The following RASAL2 variants were observed in gnomAD, a reference collection of about 807,000 sequenced individuals.
The protein encoded by RASAL2 is RAS protein activator like 2.
A neutral mutation model predicts 128.9 loss-of-function variants in RASAL2; 58 were observed. That is an observed-to-expected ratio of 0.45 (90% CI 0.36 to 0.56). The LOEUF (loss-of-function observed/expected upper bound fraction) is 0.56. Ranked by LOEUF, RASAL2 falls within the 20% of genes least tolerant of loss-of-function variation. RASAL2 has a pLI of 0.00. For missense variants in RASAL2, 1,360 were observed against 1,601.6 expected, an observed-to-expected ratio of 0.85 and a Z score of 2.57; for synonymous variants, 561 against 580.8, an observed-to-expected ratio of 0.97 and a Z score of 0.49.
intron 1 of RASAL2, among the ~76,000 whole-genome samples, chr1:178,107,113 T>C (rs1238022193): frequency 6.6e-6 from 1 of 152,198 alleles, no homozygotes; most frequent in Non-Finnish European, 1.5e-5. Context: ...ATAAGTCATT[T>C]CTCCATTTTA....
At chr1:178,306,367 T>G (rs935436107) in intron 3 of RASAL2, among the ~76,000 whole-genome samples, 2 of 152,190 alleles carry the variant, frequency 1.3e-5, no homozygotes, top group African/African-American at 4.8e-5. Context: ...TATGTATGCA[T>G]GTGTCTTTAT....
rs1045351258 is a variant in RASAL2 at position 178,478,125 on chromosome 1, C to A, written c.*4886C>A. 6.6e-6 allele frequency: 1 copy of A among 151,974 alleles called. No homozygotes were observed. The highest frequency in any genetic ancestry group is 2.4e-5 in the African/African-American group (1 of 41,372). 9.4% of individuals were successfully genotyped at this position (151,974 alleles called of 1,614,324 possible). ...TCAGTTGCTATCTTCCACTTAAATA[C>A]CCTCATTTGACCCTAGGAAGTTTTT... On this transcript the variant is annotated 3_prime_UTR_variant, in exon 18 of 18. Transcript: ENST00000367649.
Position 178,458,272 on chromosome 1 carries a change from A to G in RASAL2, c.2980A>G (p.Arg994Gly). The G allele has an allele frequency of 6.2e-7, 1 of 1,614,266 alleles. No individual in the cohort carries two copies. The highest frequency in any genetic ancestry group is 8.5e-7 in the Non-Finnish European group (1 of 1,180,054). Residue 994 changes from arginine to glycine, a missense_variant, in exon 14 of 18, where the codon AGA (arginine) becomes GGA (glycine). Physicochemically the swap from Arg to Gly is moderately radical, Grantham distance 125 (BLOSUM62 -2). This residue lies in a region of RASAL2 where 741 missense variants were observed against 868.6 expected (regional missense o/e 0.85). Transcript: ENST00000367649. Reference sequence around the variant, plus strand: ...CTCCAGGCGGCACACGGTGCCAGATAGACACATACCTCTTGCTTTGCCACG... The same window carrying G: ...CTCCAGGCGGCACACGGTGCCAGATGGACACATACCTCTTGCTTTGCCACG... ...DFSRRHTVPD[R>G]HIPLALPRQN...
intron 3 of RASAL2, among the ~76,000 whole-genome samples, chr1:178,356,882 A>G (rs1157014902): frequency 6.6e-6 from 1 of 152,204 alleles, no homozygotes; most frequent in Admixed American, 6.5e-5. Flanking sequence ...AAAGGCATAT[A>G]TTGAAGACAT....
intron 4 of RASAL2, among the ~76,000 whole-genome samples, chr1:178,399,011 C>A (rs1317417240): frequency 1.3e-5 from 2 of 152,226 alleles, no homozygotes; most frequent in Non-Finnish European, 2.9e-5. Flanking sequence ...TTGTTGCCAT[C>A]TCAAAGTTCT....
intron 4 of RASAL2, among the ~76,000 whole-genome samples, chr1:178,411,288 A>G (rs1398741602): frequency 1.3e-5 from 2 of 152,138 alleles, no homozygotes; most frequent in Non-Finnish European, 2.9e-5. Context: ...TCTTAGTAAA[A>G]TAACTCAGGA....
At chr1:178,131,429 G>A (rs1202196082) in intron 1 of RASAL2, among the ~76,000 whole-genome samples, 1 of 123,376 alleles carries the variant, frequency 8.1e-6, no homozygotes, top group East Asian at 2.4e-4. Context: ...ATTTGTTGCC[G>A]AGGCTGGTCT....
intron 1 of RASAL2, among the ~76,000 whole-genome samples, chr1:178,103,136 C>G (rs370067485): frequency 2.2e-4 from 34 of 152,086 alleles, no homozygotes; most frequent in African/African-American, 7.7e-4. Context: ...GTATGATAAC[C>G]CATTAGAACT....
chr1:178,205,541 C>T (rs369764686), intron 1 of RASAL2, among the ~76,000 whole-genome samples: 8 of 151,862 alleles, frequency 5.3e-5, no homozygotes, highest in African/African-American at 1.2e-4. Flanking sequence ...CTGATCACGA[C>T]GTCAGGAGAT....
At chr1:178,211,952 A>G (rs934107148) in intron 1 of RASAL2, among the ~76,000 whole-genome samples, 2 of 152,248 alleles carry the variant, frequency 1.3e-5, no homozygotes, top group African/African-American at 4.8e-5. Context: ...TGATAATACA[A>G]TAAATGCTTT....
In RASAL2 at chr1:178,217,919, C is replaced by T. The variant is rs142769674; in HGVS notation, c.203-65645C>T. Among the ~76,000 whole-genome samples, 554 of 151,988 alleles carry T rather than the reference C, an allele frequency of 3.6e-3. 3 individuals are homozygous for T. The highest frequency in any genetic ancestry group is 6.8e-3 in the Middle Eastern group (2 of 294). On this transcript the variant is annotated intron_variant, in intron 1 of 17. Coordinates refer to ENST00000367649, the MANE Select transcript of RASAL2 (RefSeq NM_170692.4). ...AGCATTGTACCCACAGAATTTCTTT[C>T]CAAACTGGAGTCAATCCCTTCAAAT...
At chr1:178,441,760 C>T (rs773044858) in intron 7 of RASAL2, 113 bp downstream of exon 7, 33 of 747,262 alleles carry the variant, frequency 4.4e-5, no homozygotes, top group Non-Finnish European at 6.9e-5. Context: ...AGTTTTAAAG[C>T]ACATTTATAT....
intron 3 of RASAL2, among the ~76,000 whole-genome samples, chr1:178,317,339 A>G (rs1223153302): frequency 5.5e-5 from 8 of 146,544 alleles, no homozygotes; most frequent in African/African-American, 1.6e-4. Context: ...CTCTTTTTCT[A>G]TTGATTGGAA....
At chr1:178,371,322 CCA>C (rs370972772) in intron 3 of RASAL2, among the ~76,000 whole-genome samples, 5,846 of 123,962 alleles carry the variant, frequency 0.047, 383 homozygotes, top group African/African-American at 0.14. Context: ...GCCTTCTTTC[CCA>C]CACACACACA....
In RASAL2 at chr1:178,205,141, A is replaced by G. The variant is rs752629822; in HGVS notation, c.203-78423A>G. On this transcript the variant is annotated intron_variant, in intron 1 of 17. Transcript: ENST00000367649. ...TGCCTCAGCCTCCTGAGTATCTGGGATTATAGGCGTACGCTTCCATGCCCA... is the reference window on the plus strand; with the variant it reads ...TGCCTCAGCCTCCTGAGTATCTGGGGTTATAGGCGTACGCTTCCATGCCCA... Among the ~76,000 whole-genome samples, 70 of 151,994 alleles carry G rather than the reference A, an allele frequency of 4.6e-4. 1 individual carries two copies. Among genetic ancestry groups the G allele is most frequent in the Admixed American group, 1.2e-3 (18 of 15,254 alleles).
intron 3 of RASAL2, chr1:178,341,412 A>G (rs1669871072): frequency 1.4e-6 from 2 of 1,413,670 alleles, no homozygotes; most frequent in Admixed American, 2.9e-5. Context: ...GGTTGGGGCG[A>G]GGATTGAGTT....
chr1:178,352,960 C>T (rs886662330), intron 3 of RASAL2, among the ~76,000 whole-genome samples: 1 of 152,214 alleles, frequency 6.6e-6, no homozygotes, highest in East Asian at 1.9e-4. Context: ...GGCAGCAGAC[C>T]CTGGGCCTGG....
intron 1 of RASAL2, among the ~76,000 whole-genome samples, chr1:178,139,187 G>A (rs1004524145): frequency 2.6e-5 from 4 of 151,986 alleles, no homozygotes; most frequent in African/African-American, 9.6e-5. Context: ...AATATCTAGT[G>A]GATCTCAACT....
At chr1:178,143,747 T>C (rs1392633702) in intron 1 of RASAL2, among the ~76,000 whole-genome samples, 1 of 139,990 alleles carries the variant, frequency 7.1e-6, no homozygotes, top group Non-Finnish European at 1.5e-5. Context: ...TTATCTCTAT[T>C]GTTTGGGTTT....
Sources: gnomAD v4.1 joint callset for allele counts (sites outside exome capture counted in the v4.1 genomes callset) on GRCh38, gnomAD v4.1.1 for gene constraint, gnomAD v4.1.1 regional missense constraint, MANE v1.5 for transcripts, NCBI Gene and HGNC (gene_info 2026-07-23, HGNC 2026-07-21) for gene names.